WDR47: variants seen among roughly 807,000 people sequenced by gnomAD.
The protein encoded by WDR47 is WD repeat domain 47.
A neutral mutation model predicts 97.2 loss-of-function variants in WDR47; 32 were observed. The ratio of observed to expected loss-of-function variants is 0.33; its 90% CI spans 0.25 to 0.44. The LOEUF (loss-of-function observed/expected upper bound fraction) is 0.44. Ranked by LOEUF, WDR47 falls within the 20% of genes least tolerant of loss-of-function variation. WDR47 has a pLI of 1.00. For synonymous variants in WDR47, 375 were observed against 373.5 expected (o/e 1.00, Z -0.05); for missense variants, 782 against 1,102.3 (o/e 0.71, Z 4.11).
intron 1 of WDR47, chr1:109,030,453 G>T: frequency 3.2e-6 from 1 of 310,222 alleles, no homozygotes; most frequent in Non-Finnish European, 5.7e-6. Context: ...CATTATGAAG[G>T]AAAAAAAACA....
intron 5 of WDR47, among the ~76,000 whole-genome samples, chr1:109,010,474 G>C (rs1660958229): frequency 6.6e-6 from 1 of 152,078 alleles, no homozygotes; most frequent in South Asian, 2.1e-4. Flanking sequence ...TAACCTGGGA[G>C]ATTGTGCCAC....
In WDR47 at chr1:109,011,156, G is replaced by A. The variant is rs777562406; in HGVS notation, c.890C>T (p.Ser297Phe). The change falls in exon 5 of 15, where the codon TCC (serine) becomes TTC (phenylalanine). Residue 297 changes from serine to phenylalanine, a missense_variant. Physicochemically the swap from Ser to Phe is radical, Grantham distance 155. Coordinates refer to ENST00000369962, the MANE Select transcript of WDR47 (RefSeq NM_001142551.2). ...AGCTGATTGAGGTCTTCTCATTGGGGATGATGGATAGGGAGAGAGTTTGCT... is the reference window on the plus strand; with the variant it reads ...AGCTGATTGAGGTCTTCTCATTGGGAATGATGGATAGGGAGAGAGTTTGCT... ...LISKLSPYPS[S>F]PMRRPQSADA... The A allele has an allele frequency of 4.3e-6, 7 of 1,614,072 alleles. No individual in the cohort carries two copies. The Admixed American group carries it at 8.3e-5, about 19-fold the overall frequency.
intron 14 of WDR47, 22 bp from the exon 15 acceptor site, chr1:108,971,594 G>A: frequency 6.2e-7 from 1 of 1,613,716 alleles, no homozygotes; most frequent in Non-Finnish European, 8.5e-7. Flanking sequence ...AAGAGATGTT[G>A]ATTTACAATG....
chr1:108,982,422 A>C (rs547300378), intron 12 of WDR47, among the ~76,000 whole-genome samples, 187 bp downstream of exon 12: 1 of 152,170 alleles, frequency 6.6e-6, no homozygotes, highest in South Asian at 2.1e-4. Context: ...AGTCCCAGCT[A>C]CTCAGGAGGC....
Position 108,985,001 on chromosome 1 carries a change from C to T in WDR47, c.1925+1522G>A, listed in dbSNP as rs1658666691. 2.0e-5 allele frequency among the ~76,000 whole-genome samples: 3 copies of T among 152,126 alleles called. No homozygotes were observed. The South Asian group carries it at 6.2e-4, about 31-fold the overall frequency. ...CGATTCCTTCCTTAAATGGATTATA[C>T]CTCTCAAATCCACCCACTTTGCTCC... On this transcript the variant is annotated intron_variant, in intron 10 of 14. Coordinates refer to ENST00000369962, the MANE Select transcript of WDR47 (RefSeq NM_001142551.2).
intron 13 of WDR47, among the ~76,000 whole-genome samples, chr1:108,980,376 C>T (rs1658246908): frequency 6.6e-6 from 1 of 151,948 alleles, no homozygotes; most frequent in African/African-American, 2.4e-5. Context: ...ATTTAGAATA[C>T]AAGGCAGATC....
At chr1:108,979,334 A>C (rs1044301976) in intron 13 of WDR47, among the ~76,000 whole-genome samples, 1 of 152,212 alleles carries the variant, frequency 6.6e-6, no homozygotes, top group Non-Finnish European at 1.5e-5. Flanking sequence ...GTAAACAATG[A>C]CTAACTGAGC....
At chr1:108,996,846 G>A (rs151170236) in intron 7 of WDR47, among the ~76,000 whole-genome samples, 157 of 152,258 alleles carry the variant, frequency 1.0e-3, no homozygotes, top group Non-Finnish European at 1.9e-3. Context: ...GGCCAGGTGC[G>A]GTGACTCATA....
chr1:108,970,605 T>G lies in WDR47; in HGVS notation c.*825A>C, dbSNP rs977866518. On this transcript the variant is annotated 3_prime_UTR_variant, in exon 15 of 15. Coordinates refer to ENST00000369962, the MANE Select transcript of WDR47 (RefSeq NM_001142551.2). ...ATGGTCTATGTCAAGGATTTTAATT[T>G]TTAAGGAGAAAAATGCCAGTAAATT... The G allele has an allele frequency of 6.6e-6, 1 of 152,646 alleles. No individual in the cohort carries two copies. Among genetic ancestry groups the G allele is most frequent in the Non-Finnish European group, 1.5e-5 (1 of 68,032 alleles). The allele number at this position is 152,646 out of a possible 1,614,324, so 9.5% of individuals were successfully genotyped here.
chr1:109,022,914 A>T (rs1571239022), intron 2 of WDR47, among the ~76,000 whole-genome samples: 1 of 149,824 alleles, frequency 6.7e-6, no homozygotes, highest in African/African-American at 2.4e-5. Context: ...TTTTTAAAAT[A>T]TTTTTTTAGG....
chr1:109,025,622 T>C (rs189143930), intron 1 of WDR47, among the ~76,000 whole-genome samples: 9 of 151,470 alleles, frequency 5.9e-5, no homozygotes, highest in Non-Finnish European at 2.9e-5. Context: ...TAATCCCAGC[T>C]ACTTGGGAGG....
chr1:109,006,890 C>T (rs490681), intron 5 of WDR47, among the ~76,000 whole-genome samples: 149,889 of 152,282 alleles, frequency 0.98, 73,820 homozygotes, highest in Middle Eastern at 1. Flanking sequence ...TTCACCATAG[C>T]AGTTCAATCA....
chr1:108,991,151 C>T, intron 9 of WDR47, 103 bp downstream of exon 9: 1 of 1,100,132 alleles, frequency 9.1e-7, no homozygotes. Flanking sequence ...TACTGTACAC[C>T]ACCACGTCTG....
Position 109,031,817 on chromosome 1 carries a change from T to A in WDR47, c.-9-8296A>T, listed in dbSNP as rs1410853381. Among the ~76,000 whole-genome samples the A allele has an allele frequency of 1.4e-3, 118 of 82,800 alleles. 12 individuals carry two copies. Among genetic ancestry groups the A allele is most frequent in the Non-Finnish European group, 3.1e-4 (12 of 38,756 alleles). The allele number at this position is 82,800 out of a possible 152,430, so 54.3% of individuals were successfully genotyped here. On this transcript the variant is annotated intron_variant, in intron 1 of 14. Coordinates refer to ENST00000369962, the MANE Select transcript of WDR47 (RefSeq NM_001142551.2). Reference sequence around the variant, plus strand: ...TTTCTTTTTTTTTTTTTTTTTTTTTTAAGACAGGGTCTTGCTCTCAACACC... The same window carrying A: ...TTTCTTTTTTTTTTTTTTTTTTTTTAAAGACAGGGTCTTGCTCTCAACACC...
intron 8 of WDR47, chr1:108,992,508 G>C (rs1276819065): frequency 6.6e-7 from 1 of 1,522,306 alleles, no homozygotes; most frequent in Non-Finnish European, 9.1e-7. Context: ...GCCAAGCAGT[G>C]GGGCTGGACA....
intron 7 of WDR47, among the ~76,000 whole-genome samples, chr1:108,998,489 A>C (rs1375680678): frequency 6.6e-6 from 1 of 151,990 alleles, no homozygotes; most frequent in Non-Finnish European, 1.5e-5. Flanking sequence ...GCAACAGAGC[A>C]AGACTCCGCC....
intron 13 of WDR47, 149 bp downstream of exon 13, chr1:108,981,584 A>G: frequency 1.4e-6 from 1 of 735,638 alleles, no homozygotes; most frequent in South Asian, 2.3e-5. Context: ...AACAAATGCA[A>G]GTATTGTGAA....
At chr1:108,983,029 A>C (rs1053149088) in intron 11 of WDR47, among the ~76,000 whole-genome samples, 1 of 152,226 alleles carries the variant, frequency 6.6e-6, no homozygotes, top group Non-Finnish European at 1.5e-5. Context: ...TCTAGAAAAC[A>C]TCTGGTAGCT....
intron 3 of WDR47, among the ~76,000 whole-genome samples, chr1:109,016,924 T>C (rs900462885): frequency 1.3e-4 from 20 of 152,084 alleles, no homozygotes; most frequent in Admixed American, 3.9e-4. Context: ...TCTCAGTATG[T>C]TGAAGGACCT....
Sources: allele counts gnomAD v4.1 joint callset (sites outside exome capture counted in the v4.1 genomes callset), GRCh38; gene constraint gnomAD v4.1.1; transcripts MANE v1.5; gene names NCBI Gene and HGNC (gene_info 2026-07-23, HGNC 2026-07-21).